Variants in DNAH9 observed in about 807,000 individuals in gnomAD.
DNAH9 encodes the protein DNAH9 variant protein.
Under a neutral mutation model 471.6 loss-of-function variants are expected in DNAH9, and 345 were observed. The ratio of observed to expected loss-of-function variants is 0.73; its 90% CI spans 0.67 to 0.80. DNAH9 has a LOEUF of 0.80. Among genes scored for constraint, DNAH9 ranks in the 30% least tolerant of loss-of-function variants. DNAH9 has a pLI of 0.00. For synonymous variants in DNAH9, 2,093 were observed against 2,123.6 expected, an observed-to-expected ratio of 0.99 and a Z score of 0.40; for missense variants, 5,407 against 5,609.2, an observed-to-expected ratio of 0.96 and a Z score of 1.15.
intron 19 of DNAH9, among the ~76,000 whole-genome samples, chr17:11,682,591 C>T (rs1247506473): frequency 6.6e-6 from 1 of 151,906 alleles, no homozygotes; most frequent in Non-Finnish European, 1.5e-5. Flanking sequence ...GTAAAACAGA[C>T]ATAAGATATA....
At chr17:11,919,196 A>G (rs1169094236) in intron 61 of DNAH9, among the ~76,000 whole-genome samples, 1 of 151,426 alleles carries the variant, frequency 6.6e-6, no homozygotes, top group Non-Finnish European at 1.5e-5. Context: ...ACTGCTGAGC[A>G]TAAGAAAAGG....
At chr17:11,802,121 C>G (rs182016803) in intron 43 of DNAH9, among the ~76,000 whole-genome samples, 1 of 152,176 alleles carries the variant, frequency 6.6e-6, no homozygotes, top group Admixed American at 6.5e-5. Context: ...ACTTTATCCT[C>G]GCTCTGCCAT....
chr17:11,750,890 TGATAAA>T (rs1967116249), intron 32 of DNAH9, among the ~76,000 whole-genome samples: 1 of 151,970 alleles, frequency 6.6e-6, no homozygotes, highest in Non-Finnish European at 1.5e-5. Flanking sequence ...GAAAAGGAAC[TGATAAA>T]GATAAAAGCT....
chr17:11,924,986 C>A (rs1239743539), intron 62 of DNAH9, among the ~76,000 whole-genome samples: 1 of 152,204 alleles, frequency 6.6e-6, no homozygotes, highest in Non-Finnish European at 1.5e-5. Flanking sequence ...ATCCATCTCT[C>A]AGGGCCGGCC....
intron 7 of DNAH9, among the ~76,000 whole-genome samples, chr17:11,632,323 C>T (rs73290813): frequency 0.02 from 3,029 of 152,172 alleles, 106 homozygotes; most frequent in African/African-American, 0.07. Flanking sequence ...GGAAGCAGAA[C>T]GGAGGAGCAT....
intron 19 of DNAH9, among the ~76,000 whole-genome samples, chr17:11,684,519 G>A (rs1248334776): frequency 2.0e-5 from 3 of 152,194 alleles, no homozygotes; most frequent in Non-Finnish European, 4.4e-5. Context: ...CCATGCTCTA[G>A]TGGTGTTTCA....
At chr17:11,951,937 AAATT>A (rs1388773856) in intron 67 of DNAH9, among the ~76,000 whole-genome samples, 7 of 151,938 alleles carry the variant, frequency 4.6e-5, no homozygotes, top group Admixed American at 1.3e-4. Flanking sequence ...AAAAAAAAAA[AAATT>A]AATTAAAAAT....
intron 68 of DNAH9, among the ~76,000 whole-genome samples, chr17:11,968,199 G>GA (rs1245440319): frequency 1.3e-5 from 2 of 151,704 alleles, no homozygotes; most frequent in African/African-American, 4.8e-5. Context: ...CAGTATGTTG[G>GA]GGAAAAAAAA....
At position 11,704,451 on chromosome 17, in the gene DNAH9, C is replaced by T; in HGVS notation, c.5391+9C>T. The T allele has an allele frequency of 6.2e-7, 1 of 1,611,830 alleles. No individual in the cohort carries two copies. The highest frequency in any genetic ancestry group is 8.5e-7 in the Non-Finnish European group (1 of 1,179,630). ...AGATGATTGCTCAGAAGGTGGGTCC[C>T]AAACATCCAGGGATGCCCACTTTTG... On this transcript the variant is annotated intron_variant, in intron 25 of 68. Transcript: ENST00000262442.
chr17:11,654,436 CCTAT>C (rs1302603135), intron 14 of DNAH9, among the ~76,000 whole-genome samples: 1 of 151,042 alleles, frequency 6.6e-6, no homozygotes, highest in Admixed American at 6.6e-5. Context: ...TGATGTATCA[CCTAT>C]CTATGTGATG....
chr17:11,712,011 T>A (rs553744870), intron 26 of DNAH9, among the ~76,000 whole-genome samples: 3 of 6,898 alleles, frequency 4.3e-4, no homozygotes, highest in Non-Finnish European at 1.3e-3. Flanking sequence ...TTTGTATATA[T>A]ATTTATATAT....
chr17:11,837,298 C>A (rs990887003), intron 49 of DNAH9, among the ~76,000 whole-genome samples: 4 of 152,088 alleles, frequency 2.6e-5, no homozygotes, highest in African/African-American at 9.7e-5. Flanking sequence ...TGAATGAGTA[C>A]CTACTATGTG....
At chr17:11,673,959 T>C (rs1442502575) in intron 17 of DNAH9, among the ~76,000 whole-genome samples, 2 of 152,198 alleles carry the variant, frequency 1.3e-5, no homozygotes, top group East Asian at 1.9e-4. Flanking sequence ...ATAAAAATGA[T>C]ATTATTGTAT....
At chr17:11,672,875 C>G (rs910221506) in intron 17 of DNAH9, among the ~76,000 whole-genome samples, 1 of 152,186 alleles carries the variant, frequency 6.6e-6, no homozygotes, top group Non-Finnish European at 1.5e-5. Flanking sequence ...CACCTGTTAT[C>G]TTTCCACCTC....
chr17:11,742,995 A>G (rs937703980), intron 30 of DNAH9, among the ~76,000 whole-genome samples: 7 of 152,078 alleles, frequency 4.6e-5, no homozygotes, highest in African/African-American at 1.7e-4. Context: ...TTCTTTCCCA[A>G]CGTTGACTTC....
Position 11,930,035 on chromosome 17 carries a change from A to G in DNAH9, c.12047A>G (p.Asn4016Ser), listed in dbSNP as rs547913025. The G allele has an allele frequency of 4.8e-5, 78 of 1,614,108 alleles. No individual in the cohort carries two copies. The South Asian group carries it at 6.4e-4, about 13-fold the overall frequency. ...CTGGAGAACTCCATTAAGATCACCA[A>G]TGAGCCCCCCACGGGCATGCATGCC... ...GILENSIKIT[N>S]EPPTGMHANL... Residue 4016 changes from asparagine (N) to serine (S), a missense_variant, in exon 63 of 69, where the codon AAT becomes AGT. Coordinates refer to ENST00000262442, the MANE Select transcript of DNAH9 (RefSeq NM_001372.4).
At position 11,747,770 on chromosome 17, in the gene DNAH9, A is replaced by G; in HGVS notation, c.6610+4A>G. The G allele has an allele frequency of 6.2e-7, 1 of 1,612,002 alleles. No homozygotes were observed. The highest frequency in any genetic ancestry group is 1.7e-4 in the Middle Eastern group (1 of 6,054). Reference sequence around the variant, plus strand: ...GCCACAGGAGAATGGAAGGATGGTAAGAGTGGGATTCTCCCAGGAGAAAGT... The same window carrying G: ...GCCACAGGAGAATGGAAGGATGGTAGGAGTGGGATTCTCCCAGGAGAAAGT... On this transcript the variant is annotated splice_donor_region_variant and intron_variant, in intron 32 of 68. Transcript: ENST00000262442.
chr17:11,644,762 G>A, intron 11 of DNAH9, 63 bp downstream of exon 11: 1 of 1,191,846 alleles, frequency 8.4e-7, no homozygotes, highest in Non-Finnish European at 1.2e-6. Context: ...GCCTTTTGCA[G>A]CTCCGAGTTT....
chr17:11,948,224 CTTTTTTT>C (rs1211322234), intron 67 of DNAH9, among the ~76,000 whole-genome samples: 2 of 86,748 alleles, frequency 2.3e-5, no homozygotes, highest in Non-Finnish European at 4.2e-5. Context: ...TAATCTGGCT[CTTTTTTT>C]TTTTTTTTTT....
Sources: allele counts gnomAD v4.1 joint callset (sites outside exome capture counted in the v4.1 genomes callset), GRCh38; gene constraint gnomAD v4.1.1; transcripts MANE v1.5; gene names NCBI Gene and HGNC (gene_info 2026-07-23, HGNC 2026-07-21).